Variants in UPRT observed in about 807,000 individuals in gnomAD.
UPRT encodes the protein uracil phosphoribosyltransferase homolog.
In UPRT, 5 loss-of-function variants were observed where a neutral mutation model predicts 22.6. That is an observed-to-expected ratio of 0.22 (90% CI 0.12 to 0.47). The LOEUF is 0.47. Ranked by LOEUF, UPRT falls within the 20% of genes least tolerant of loss-of-function variation. The pLI is 0.99. For synonymous variants in UPRT, 77 were observed against 87.7 expected (o/e 0.88, Z 0.68); for missense variants, 181 against 239.9 (o/e 0.75, Z 1.62).
chrX:75,216,914 C>T (rs1363156866), intron 4 of UPRT, among the ~76,000 whole-genome samples: 1 of 111,392 alleles, frequency 9.0e-6, no homozygotes, highest in Admixed American at 9.5e-5. Flanking sequence ...GCCACCATGC[C>T]CGGCTAATTT....
At chrX:75,277,272 A>C (rs968788350) in intron 1 of UPRT, among the ~76,000 whole-genome samples, 30 of 111,700 alleles carry the variant, frequency 2.7e-4, no homozygotes, top group African/African-American at 8.8e-4. Flanking sequence ...TGATAATGTA[A>C]AGGTGAAGTG....
At chrX:75,284,731 T>A (rs2082673180) in intron 1 of UPRT, among the ~76,000 whole-genome samples, 1 of 110,563 alleles carries the variant, frequency 9.0e-6, no homozygotes, top group African/African-American at 3.3e-5. Context: ...TCCATTATGG[T>A]TTTTAGCTTT....
chrX:75,204,603 T>G (rs2082358101), intron 4 of UPRT, among the ~76,000 whole-genome samples: 1 of 111,789 alleles, frequency 8.9e-6, no homozygotes, highest in Non-Finnish European at 1.9e-5. Context: ...GGAATGTTGG[T>G]GGGGGTGGAG....
At chrX:75,170,524 C>A (rs961985464) in intron 4 of UPRT, among the ~76,000 whole-genome samples, 4 of 111,697 alleles carry the variant, frequency 3.6e-5, no homozygotes, top group Non-Finnish European at 7.5e-5. Context: ...TAATTCTTAC[C>A]CATTCTGCAA....
At position 75,233,017 on chromosome X, in the gene UPRT, T is replaced by C. The variant is rs1313986614; in HGVS notation, c.-446-58007T>C. The stretch of plus-strand genomic sequence containing the variant: ...TACGGGAGGACATTCAAACCAAAGG[T>C]AAAGAAGTTGAAAACTTTGAAAAAA... On this transcript the variant is annotated intron_variant, in intron 4 of 13. Transcript: ENST00000652605. 2.7e-5 allele frequency among the ~76,000 whole-genome samples: 3 copies of C among 110,890 alleles called. No individual in the cohort carries two copies. In the Admixed American group the frequency reaches 2.9e-4, roughly 11 times the overall value.
chrX:75,198,118 TA>T (rs773479342), intron 4 of UPRT, among the ~76,000 whole-genome samples: 11 of 112,642 alleles, frequency 9.8e-5, no homozygotes, highest in Non-Finnish European at 1.3e-4. Flanking sequence ...ATAAACTGCA[TA>T]AAAAAATTGT....
At chrX:75,272,319 T>TATATATATATATATATATAC, upstream of UPRT, among the ~76,000 whole-genome samples, 1 of 88,338 alleles carries the variant, frequency 1.1e-5, no homozygotes, top group African/African-American at 4.5e-5. Flanking sequence ...TGTGTATATA[T>TATATATATATATATATATAC]ACATATATAT....
intron 4 of UPRT, among the ~76,000 whole-genome samples, chrX:75,253,556 G>A: frequency 8.9e-6 from 1 of 111,912 alleles, no homozygotes; most frequent in South Asian, 3.8e-4. Context: ...GAGGATCATG[G>A]CAGATGGGAG....
At chrX:75,189,003 G>C (rs1047384026) in intron 4 of UPRT, among the ~76,000 whole-genome samples, 3 of 112,037 alleles carry the variant, frequency 2.7e-5, no homozygotes, top group African/African-American at 6.5e-5. Context: ...GGGAGCTGTA[G>C]ACCTGTGCTG....
intron 1 of UPRT, among the ~76,000 whole-genome samples, chrX:75,288,472 A>T (rs2082691438): frequency 8.9e-6 from 1 of 112,350 alleles, no homozygotes; most frequent in Admixed American, 9.4e-5. Flanking sequence ...CACATCAAAA[A>T]GTTAATTTGC....
intron 4 of UPRT, among the ~76,000 whole-genome samples, chrX:75,204,882 C>A (rs2082359112): frequency 9.0e-6 from 1 of 110,772 alleles, no homozygotes; most frequent in Non-Finnish European, 1.9e-5. Flanking sequence ...GGGGGTCCAG[C>A]TCTCAGAGGT....
At chrX:75,156,691 T>C in intron 1 of UPRT, 1 of 338,522 alleles carries the variant, frequency 3.0e-6, no homozygotes, top group South Asian at 2.6e-5. Context: ...CGCTCCCCTC[T>C]CTCCATTTTC....
rs1206888081 is a variant in UPRT at position 75,173,904 on chromosome X, C to T, written c.-447+6025C>T. 4.5e-5 allele frequency among the ~76,000 whole-genome samples: 5 copies of T among 112,192 alleles called. No individual in the cohort carries two copies. The Admixed American group carries it at 4.7e-4, about 10-fold the overall frequency. On this transcript the variant is annotated intron_variant, in intron 4 of 13. Transcript: ENST00000652605. Reference sequence around the variant, plus strand: ...CCGGCTGCTCCGAGTGCGGGGCCCGCCAAGCCCACGCCTACCCGGAACTCC... The same window carrying T: ...CCGGCTGCTCCGAGTGCGGGGCCCGTCAAGCCCACGCCTACCCGGAACTCC...
intron 4 of UPRT, among the ~76,000 whole-genome samples, chrX:75,219,204 A>G (rs2147634027): frequency 8.9e-6 from 1 of 111,938 alleles, no homozygotes; most frequent in Admixed American, 9.5e-5. Context: ...ATGGAGTTCA[A>G]TTTAATTCAT....
At chrX:75,172,901 G>A (rs2082232855) in intron 4 of UPRT, among the ~76,000 whole-genome samples, 1 of 111,167 alleles carries the variant, frequency 9.0e-6, no homozygotes, top group Non-Finnish European at 1.9e-5. Context: ...TTATTGTAAA[G>A]AGCGAAAGAA....
At position 75,274,555 on chromosome X, in the gene UPRT, G is replaced by A. The variant is rs767779092; in HGVS notation, c.301G>A (p.Glu101Lys). 1.7e-6 allele frequency: 2 copies of A among 1,209,397 alleles called. No individual in the cohort carries two copies. Among genetic ancestry groups the A allele is most frequent in the Admixed American group, 2.2e-5 (1 of 45,728 alleles). ...TGGCAACTCCTTCCTAGAGGACTGC[G>A]AACTCTCCCGGCAGATCGGGGCGCA... ...PAGNSFLEDC[E>K]LSRQIGAQLK... The change falls in exon 1 of 7, where the codon GAA becomes AAA. Residue 101 changes from glutamate (E) to lysine (K), a missense_variant. This residue lies in a region of UPRT where 111 missense variants were observed against 102.8 expected (regional missense o/e 1.08). Coordinates refer to ENST00000373383, the MANE Select transcript of UPRT (RefSeq NM_145052.4).
At chrX:75,250,423 C>A (rs2082524839) in intron 4 of UPRT, among the ~76,000 whole-genome samples, 1 of 111,452 alleles carries the variant, frequency 9.0e-6, no homozygotes, top group African/African-American at 3.3e-5. Context: ...TGAAAGAATA[C>A]TATAAACACC....
At chrX:75,184,908 A>C (rs989351747) in intron 4 of UPRT, among the ~76,000 whole-genome samples, 1 of 111,578 alleles carries the variant, frequency 9.0e-6, no homozygotes, top group Non-Finnish European at 1.9e-5. Context: ...TATCAGCTTA[A>C]GGAGATTTTG....
chrX:75,192,653 C>T (rs995592018), intron 4 of UPRT, among the ~76,000 whole-genome samples: 10 of 111,921 alleles, frequency 8.9e-5, no homozygotes, highest in African/African-American at 3.2e-4. Context: ...CCTGTGTTGG[C>T]TGTGTATATA....
Sources: gnomAD v4.1 joint callset for allele counts (sites outside exome capture counted in the v4.1 genomes callset) on GRCh38, gnomAD v4.1.1 for gene constraint, gnomAD v4.1.1 regional missense constraint, MANE v1.5 for transcripts, NCBI Gene and HGNC (gene_info 2026-07-23, HGNC 2026-07-21) for gene names.